The following CTNNBIP1 variants were observed in gnomAD, a reference collection of about 807,000 sequenced individuals.
The protein encoded by CTNNBIP1 is beta-catenin-interacting protein 1.
Under a neutral mutation model 11.8 loss-of-function variants are expected in CTNNBIP1, and 7 were observed. That is an observed-to-expected ratio of 0.60 (90% CI 0.34 to 1.12). The LOEUF is 1.12. Among genes scored for constraint, CTNNBIP1 ranks in the 50% most tolerant of loss-of-function variants. CTNNBIP1 has a pLI of 0.03. For synonymous variants in CTNNBIP1, 58 were observed against 43.9 expected, an observed-to-expected ratio of 1.32 and a Z score of -1.26; for missense variants, 101 against 113.4, an observed-to-expected ratio of 0.89 and a Z score of 0.50.
chr1:9,884,998 G>A (rs1164754690), intron 1 of CTNNBIP1, among the ~76,000 whole-genome samples: 1 of 152,188 alleles, frequency 6.6e-6, no homozygotes, highest in Non-Finnish European at 1.5e-5. Context: ...TGGGAGCAGA[G>A]GAATGGCTGG....
At chr1:9,875,734 C>G (rs1002000520) in intron 3 of CTNNBIP1, among the ~76,000 whole-genome samples, 1 of 152,210 alleles carries the variant, frequency 6.6e-6, no homozygotes, top group Non-Finnish European at 1.5e-5. Flanking sequence ...GCCCTGCTGC[C>G]TAACAAGAGG....
At position 9,871,248 on chromosome 1, in the gene CTNNBIP1, G is replaced by T. The variant is rs139942394; in HGVS notation, c.126C>A (p.Arg42=). ...GGCTGTTGACCACCCCTGCATAGGT[G>T]CGCAGGAACTCCTCCTCGCTGGCTG... ...NLTASEEEFL[R]TYAGVVNSQL... is the part of the protein sequence containing the mutation. The change falls in exon 5 of 6, where the codon CGC becomes CGA. Residue 42 remains arginine (R), a synonymous_variant. Coordinates refer to ENST00000377263, the MANE Select transcript of CTNNBIP1 (RefSeq NM_020248.3). This position sits in a 1 kb window ranked among gnomAD's most constrained non-coding sequence, Gnocchi z 5.2. 1.3e-4 allele frequency: 203 copies of T among 1,579,400 alleles called. No individual in the cohort carries two copies. The African/African-American group carries it at 2.6e-3, about 20-fold the overall frequency.
chr1:9,874,054 C>A (rs1638917014), intron 3 of CTNNBIP1, among the ~76,000 whole-genome samples: 2 of 152,200 alleles, frequency 1.3e-5, no homozygotes, highest in Admixed American at 6.5e-5. Context: ...ATCTCATAAT[C>A]CTTGCCAAGA....
At chr1:9,895,371 G>C (rs1639389193) in intron 1 of CTNNBIP1, among the ~76,000 whole-genome samples, 1 of 144,998 alleles carries the variant, frequency 6.9e-6, no homozygotes, top group African/African-American at 2.6e-5. Flanking sequence ...GCTAATTTTT[G>C]TATTGCAGTT....
chr1:9,900,087 A>AC (rs1245015646), intron 1 of CTNNBIP1, among the ~76,000 whole-genome samples: 4 of 150,398 alleles, frequency 2.7e-5, no homozygotes, highest in African/African-American at 7.3e-5. Flanking sequence ...AAAAAAAAAC[A>AC]ATCAATAGAA....
intron 5 of CTNNBIP1, among the ~76,000 whole-genome samples, chr1:9,862,852 T>A (rs1457580476): frequency 6.6e-6 from 1 of 152,190 alleles, no homozygotes; most frequent in Non-Finnish European, 1.5e-5. Flanking sequence ...GCACCGTGCC[T>A]AGCACACAGC....
chr1:9,901,057 C>T (rs1001178502), intron 1 of CTNNBIP1, among the ~76,000 whole-genome samples: 4 of 152,200 alleles, frequency 2.6e-5, no homozygotes, highest in African/African-American at 9.6e-5. Flanking sequence ...GCTACCAGTA[C>T]TAACAGCTTC....
At chr1:9,896,017 C>A (rs1033741631) in intron 1 of CTNNBIP1, among the ~76,000 whole-genome samples, 4 of 152,156 alleles carry the variant, frequency 2.6e-5, no homozygotes, top group Admixed American at 6.5e-5. Context: ...CTCAATTTGG[C>A]CTTCACTTGT....
intron 1 of CTNNBIP1, among the ~76,000 whole-genome samples, chr1:9,897,021 A>G (rs1432503159): frequency 6.6e-6 from 1 of 152,062 alleles, no homozygotes; most frequent in African/African-American, 2.4e-5. Context: ...GCGCGCCTGT[A>G]ATCCCAGCTA....
At chr1:9,908,896 A>G (rs546684111) in intron 1 of CTNNBIP1, among the ~76,000 whole-genome samples, 18 of 152,306 alleles carry the variant, frequency 1.2e-4, no homozygotes, top group African/African-American at 4.3e-4. Flanking sequence ...TCTCCATCCC[A>G]TAGAGGTGAT....
At chr1:9,854,912 AGT>A (rs1638470616) in intron 5 of CTNNBIP1, among the ~76,000 whole-genome samples, 1 of 152,186 alleles carries the variant, frequency 6.6e-6, no homozygotes, top group Admixed American at 6.5e-5. Flanking sequence ...CCTGAGCTCA[AGT>A]GATCTGCCCA....
intron 1 of CTNNBIP1, among the ~76,000 whole-genome samples, chr1:9,904,030 C>T (rs1271454181): frequency 6.6e-6 from 1 of 152,140 alleles, no homozygotes; most frequent in Non-Finnish European, 1.5e-5. Context: ...TCTCAGAAAC[C>T]GTGAGGATGA....
intron 5 of CTNNBIP1, among the ~76,000 whole-genome samples, chr1:9,864,820 G>A (rs1325670322): frequency 6.6e-6 from 1 of 152,220 alleles, no homozygotes; most frequent in Non-Finnish European, 1.5e-5. Flanking sequence ...TATAGGTGGA[G>A]GGCCCAGGGT....
intron 3 of CTNNBIP1, among the ~76,000 whole-genome samples, chr1:9,877,528 C>T (rs1435947401): frequency 6.6e-6 from 1 of 152,192 alleles, no homozygotes; most frequent in Non-Finnish European, 1.5e-5. Flanking sequence ...AGCCCCTGCA[C>T]TCGTCTTTTG....
intron 1 of CTNNBIP1, among the ~76,000 whole-genome samples, chr1:9,885,810 T>A (rs1639176703): frequency 6.6e-6 from 1 of 151,958 alleles, no homozygotes; most frequent in Non-Finnish European, 1.5e-5. Context: ...GTGTTGGTAG[T>A]GCATGCCTGT....
chr1:9,890,434 C>A (rs754078928), intron 1 of CTNNBIP1, among the ~76,000 whole-genome samples: 7 of 152,106 alleles, frequency 4.6e-5, no homozygotes, highest in Non-Finnish European at 7.4e-5. Context: ...AAAAGAGGTT[C>A]TTTTTTCTTC....
At chr1:9,903,447 A>G (rs1355091808) in intron 1 of CTNNBIP1, among the ~76,000 whole-genome samples, 1 of 152,158 alleles carries the variant, frequency 6.6e-6, no homozygotes, top group Non-Finnish European at 1.5e-5. Flanking sequence ...AGGGGAGAAC[A>G]ATGTTTTTGT....
chr1:9,864,927 C>A (rs1357462370), intron 5 of CTNNBIP1, among the ~76,000 whole-genome samples: 1 of 152,186 alleles, frequency 6.6e-6, no homozygotes, highest in Admixed American at 6.5e-5. Context: ...CACTGTCCTG[C>A]TTAAAAAAGC....
chr1:9,877,546 C>T (rs1638994840), intron 3 of CTNNBIP1, among the ~76,000 whole-genome samples: 1 of 152,182 alleles, frequency 6.6e-6, no homozygotes, highest in Non-Finnish European at 1.5e-5. Context: ...TTGTTTTGTC[C>T]ATTTTAAAAC....
Sources: gnomAD v4.1 joint callset for allele counts (sites outside exome capture counted in the v4.1 genomes callset) on GRCh38, gnomAD v4.1.1 for gene constraint, Gnocchi (gnomAD v3.1) non-coding constraint, MANE v1.5 for transcripts, NCBI Gene and HGNC (gene_info 2026-07-23, HGNC 2026-07-21) for gene names.